PEBP4: variants seen among roughly 807,000 people sequenced by gnomAD.
PEBP4 encodes phosphatidylethanolamine-binding protein 4.
Under a neutral mutation model 23.9 loss-of-function variants are expected in PEBP4, and 22 were observed. The ratio of observed to expected loss-of-function variants is 0.92; its 90% CI spans 0.66 to 1.31. The LOEUF is 1.31. Ranked by LOEUF, PEBP4 falls within the 40% of genes most tolerant of loss-of-function variation. The pLI, the probability that PEBP4 is intolerant of heterozygous loss-of-function variation, is 0.00. For synonymous variants in PEBP4, 112 were observed against 99.3 expected (o/e 1.13, Z -0.76); for missense variants, 324 against 281.7 (o/e 1.15, Z -1.07).
rs529042313 is a variant in PEBP4, at chr8:22,743,494, G to C, written c.358-16274C>G. On this transcript the variant is annotated intron_variant, in intron 4 of 6. Transcript: ENST00000256404. The stretch of plus-strand genomic sequence containing the variant: ...CAAACCAGAAGGGACCATCCTGGGG[G>C]CTGAGCCAGGAGCCTGATGGCAGCC... Among the ~76,000 whole-genome samples, 13 of 152,340 alleles carry C rather than the reference G, an allele frequency of 8.5e-5. 1 individual carries two copies. The South Asian group carries it at 2.7e-3, about 32-fold the overall frequency.
intron 3 of PEBP4, among the ~76,000 whole-genome samples, chr8:22,838,061 G>A (rs1321708588): frequency 6.6e-6 from 1 of 151,632 alleles, no homozygotes; most frequent in African/African-American, 2.4e-5. Flanking sequence ...ACCACACCTG[G>A]CTAATTTTTA....
rs147509563 is a variant in PEBP4 at position 22,938,704 on chromosome 8, C to T, written c.145-10984G>A. 4.2e-3 allele frequency among the ~76,000 whole-genome samples: 632 copies of T among 152,172 alleles called. 4 individuals carry two copies. Among genetic ancestry groups the T allele is most frequent in the African/African-American group, 0.015 (608 of 41,490 alleles). ...TGAATTCCTAAAGGTCACACTTCCC[C>T]CCCATTATAGATGTGGGTCTCACTG... On this transcript the variant is annotated intron_variant, in intron 1 of 1. Transcript: ENST00000522278.
At chr8:22,741,636 C>T (rs1046152250) in intron 4 of PEBP4, among the ~76,000 whole-genome samples, 1 of 152,106 alleles carries the variant, frequency 6.6e-6, no homozygotes, top group African/African-American at 2.4e-5. Flanking sequence ...GGTCACTGTG[C>T]CACCCCATCA....
intron 3 of PEBP4, among the ~76,000 whole-genome samples, chr8:22,853,144 G>A (rs1350454328): frequency 1.3e-5 from 2 of 152,222 alleles, no homozygotes; most frequent in African/African-American, 2.4e-5. Context: ...TTCGGTATGC[G>A]TAGAACACGG....
At chr8:22,800,741 A>G (rs970029779) in intron 4 of PEBP4, among the ~76,000 whole-genome samples, 2 of 152,126 alleles carry the variant, frequency 1.3e-5, no homozygotes, top group African/African-American at 4.8e-5. Flanking sequence ...CATGATACCC[A>G]GAGCTGAGTG....
chr8:22,855,483 T>C (rs1807626606), intron 3 of PEBP4, among the ~76,000 whole-genome samples: 1 of 152,112 alleles, frequency 6.6e-6, no homozygotes, highest in African/African-American at 2.4e-5. Flanking sequence ...GTGGGGTCTG[T>C]GTCATGATCT....
At chr8:22,740,647 G>A (rs558657164) in intron 4 of PEBP4, among the ~76,000 whole-genome samples, 4 of 152,214 alleles carry the variant, frequency 2.6e-5, no homozygotes, top group East Asian at 1.9e-4. Context: ...TCTGAGCCCC[G>A]GTTCCTGATG....
At chr8:22,756,538 T>C (rs1173758125) in intron 4 of PEBP4, among the ~76,000 whole-genome samples, 2 of 152,074 alleles carry the variant, frequency 1.3e-5, no homozygotes, top group African/African-American at 2.4e-5. Context: ...CACTGTCCCA[T>C]GCTCCTCCCC....
Position 22,897,121 on chromosome 8 carries a change from A to G in PEBP4, c.258+23063T>C, listed in dbSNP as rs540922495. Among the ~76,000 whole-genome samples the G allele has an allele frequency of 8.5e-5, 13 of 152,232 alleles. No homozygotes were observed. The South Asian group carries it at 2.7e-3, about 32-fold the overall frequency. On this transcript the variant is annotated intron_variant, in intron 3 of 6. Coordinates refer to ENST00000256404, the MANE Select transcript of PEBP4 (RefSeq NM_144962.3). ...GAGGTGGGAAAGATTTTTTTGAGGC[A>G]TAGGAGAAACATTCAAAATTGAGTA...
At chr8:22,893,643 A>G (rs539701612) in intron 3 of PEBP4, among the ~76,000 whole-genome samples, 1 of 152,302 alleles carries the variant, frequency 6.6e-6, no homozygotes, top group South Asian at 2.1e-4. Flanking sequence ...TAACAATTTC[A>G]TTGTCTGTGA....
chr8:22,905,595 C>T (rs183251744), intron 3 of PEBP4, among the ~76,000 whole-genome samples: 8 of 152,188 alleles, frequency 5.3e-5, no homozygotes, highest in East Asian at 1.9e-4. Flanking sequence ...GTTTTCTGTC[C>T]GCTGTTCTAA....
chr8:22,828,648 C>T (rs770570441), intron 3 of PEBP4, among the ~76,000 whole-genome samples: 12 of 152,214 alleles, frequency 7.9e-5, no homozygotes, highest in South Asian at 4.1e-4. Flanking sequence ...CTGTGGCACA[C>T]GCCATTAGTT....
chr8:22,936,714 A>T (rs1442879731), intron 1 of PEBP4, among the ~76,000 whole-genome samples: 2 of 152,212 alleles, frequency 1.3e-5, no homozygotes, highest in East Asian at 3.8e-4. Context: ...ACAAAATATT[A>T]GCATAGATAA....
chr8:22,826,876 T>C (rs545764988), intron 3 of PEBP4, among the ~76,000 whole-genome samples: 1 of 152,302 alleles, frequency 6.6e-6, no homozygotes, highest in South Asian at 2.1e-4. Flanking sequence ...CTGCTAAAAA[T>C]AAACCAAACT....
chr8:22,808,831 C>T (rs1290637286), intron 4 of PEBP4, among the ~76,000 whole-genome samples: 1 of 152,206 alleles, frequency 6.6e-6, no homozygotes, highest in Non-Finnish European at 1.5e-5. Context: ...AACATGTACT[C>T]ACCAGATTTG....
At chr8:22,919,436 G>A (rs1420665339) in intron 3 of PEBP4, among the ~76,000 whole-genome samples, 1 of 152,162 alleles carries the variant, frequency 6.6e-6, no homozygotes, top group Non-Finnish European at 1.5e-5. Flanking sequence ...GTCTGGCCCA[G>A]GAGTCAAGAA....
chr8:22,725,101 G>A (rs888549121), intron 5 of PEBP4, 145 bp from the exon 6 acceptor site: 61 of 609,110 alleles, frequency 1.0e-4, no homozygotes, highest in African/African-American at 7.9e-4. Context: ...TGTATTTGGC[G>A]GGATCTCAGC....
chr8:22,927,438 G>T (rs1809365606), intron 2 of PEBP4, 146 bp downstream of exon 2: 1 of 930,076 alleles, frequency 1.1e-6, no homozygotes, highest in Non-Finnish European at 1.5e-6. Flanking sequence ...CTCCATCAAG[G>T]TGGTCTCCAG....
intron 3 of PEBP4, among the ~76,000 whole-genome samples, chr8:22,879,619 G>A (rs530232040): frequency 1.3e-5 from 2 of 152,298 alleles, no homozygotes; most frequent in African/African-American, 4.8e-5. Flanking sequence ...GACTACCACC[G>A]GGCTATTGTC....
Sources: allele counts gnomAD v4.1 joint callset (sites outside exome capture counted in the v4.1 genomes callset), GRCh38; gene constraint gnomAD v4.1.1; transcripts MANE v1.5; gene names NCBI Gene and HGNC (gene_info 2026-07-23, HGNC 2026-07-21).